The following ARAF variants were observed in gnomAD, a reference collection of about 807,000 sequenced individuals.
ARAF encodes the protein A-Raf proto-oncogene, serine/threonine kinase.
ARAF carries 18 observed loss-of-function variants against 48.0 expected under a neutral mutation model. The observed-to-expected ratio is 0.37, with a 90% CI of 0.26 to 0.56. The LOEUF is 0.56. Among genes scored for constraint, ARAF ranks in the 20% least tolerant of loss-of-function variants. The pLI is 0.77. For synonymous variants in ARAF, 207 were observed against 220.1 expected, an observed-to-expected ratio of 0.94 and a Z score of 0.53; for missense variants, 389 against 543.1, an observed-to-expected ratio of 0.72 and a Z score of 2.82.
At chrX:47,565,659 G>A (rs2854422) in intron 6 of ARAF, 62,180 of 144,421 alleles carry the variant, frequency 0.43, 10,516 homozygotes, top group African/African-American at 0.63. Flanking sequence ...CAATTTTTTT[G>A]TTATTAATTA....
Position 47,565,314 on chromosome X carries a change from G to T in ARAF, c.521G>T (p.Arg174Leu), listed in dbSNP as rs1387037979. Residue 174 changes from arginine (R) to leucine (L), a missense_variant, in exon 6 of 16, where the codon CGC becomes CTC. Physicochemically the swap from Arg to Leu is moderately radical, Grantham distance 102. This residue lies in a region of ARAF where 154 missense variants were observed against 133.6 expected (regional missense o/e 1.15). Transcript: ENST00000377045. ...GSRQHEAPSNRPLNELLTPQG... is the reference protein window; with the variant it reads ...GSRQHEAPSNLPLNELLTPQG... ...AGACAGCATGAGGCTCCCTCGAACC[G>T]CCCCCTGAATGAGTTGCTAACCCCC... 1 of 1,209,652 alleles carries T rather than the reference G, an allele frequency of 8.3e-7. No individual in the cohort carries two copies. The highest frequency in any genetic ancestry group is 1.1e-6 in the Non-Finnish European group (1 of 895,027).
At position 47,571,438 on chromosome X, in the gene ARAF, C is replaced by T; in HGVS notation, c.1802C>T (p.Ala601Val). 8.3e-6 allele frequency: 10 copies of T among 1,206,183 alleles called. No individual in the cohort carries two copies. Among genetic ancestry groups the T allele is most frequent in the African/African-American group, 1.7e-5 (1 of 57,855 alleles). ...ADELPACLLS[A>V]ARLVP ...GAGTTGCCTGCCTGCCTACTCAGCGCAGCCCGCCTTGTGCCTTAGGCCCCG... is the reference window on the plus strand; with the variant it reads ...GAGTTGCCTGCCTGCCTACTCAGCGTAGCCCGCCTTGTGCCTTAGGCCCCG... The change falls in exon 16 of 16, where the codon GCA becomes GTA. Residue 601 changes from alanine to valine, a missense_variant. Physicochemically the swap from Ala to Val is moderately conservative, Grantham distance 64. This residue lies in a region of ARAF where 170 missense variants were observed against 281.4 expected (regional missense o/e 0.60). Coordinates refer to ENST00000377045, the MANE Select transcript of ARAF (RefSeq NM_001654.5).
At chrX:47,571,140 T>C (rs995666696) in intron 15 of ARAF, 128 bp downstream of exon 15, 36 of 976,803 alleles carry the variant, frequency 3.7e-5, no homozygotes, top group Non-Finnish European at 5.0e-5. Context: ...TGTGTGTGTG[T>C]GTTTCACCAT....
intron 12 of ARAF, 167 bp from the exon 13 acceptor site, chrX:47,569,369 TAGC>T (rs2057745794): frequency 2.1e-6 from 1 of 487,128 alleles, no homozygotes; most frequent in African/African-American, 2.4e-5. Context: ...TGGGGGGCAT[TAGC>T]AGGCGTTCCC....
At chrX:47,571,297 C>T in intron 15 of ARAF, 26 bp from the exon 16 acceptor site, 2 of 1,198,101 alleles carry the variant, frequency 1.7e-6, no homozygotes, top group South Asian at 3.7e-5. Flanking sequence ...CTCTGGACAC[C>T]CCTCCTCACC....
At chrX:47,567,464 G>A (rs748627763) in intron 10 of ARAF, 32 bp downstream of exon 10, 1 of 1,170,117 alleles carries the variant, frequency 8.5e-7, no homozygotes, top group Non-Finnish European at 1.1e-6. Flanking sequence ...GATGGGGGTG[G>A]CAGGCCCGGC....
At position 47,567,024 on chromosome X, in the gene ARAF, G is replaced by A. The variant is rs1409736677; in HGVS notation, c.766G>A (p.Gly256Arg). The A allele has an allele frequency of 8.3e-7, 1 of 1,211,682 alleles. No individual in the cohort carries two copies. Residue 256 changes from glycine (G) to arginine (R), a missense_variant, in exon 9 of 16, where the codon GGG becomes AGG. By Grantham distance (125) the Gly-to-Arg change is moderately radical. Transcript: ENST00000377045. ...SRGGSDGTPR[G>R]SPSPASVSSG... ...AGGAGGTAGTGATGGAACCCCCCGG[G>A]GGAGCCCCAGCCCAGCCAGCGTGTC... is the stretch of plus-strand genomic sequence containing the variant.
At chrX:47,565,844 A>G (rs1177296204) in intron 6 of ARAF, 1 of 147,036 alleles carries the variant, frequency 6.8e-6, no homozygotes, top group African/African-American at 3.2e-5. Flanking sequence ...GCTCTAATAT[A>G]TATTTTATGA....
chrX:47,566,515 A>G (rs2057733178), intron 6 of ARAF, 124 bp from the exon 7 acceptor site: 1 of 696,994 alleles, frequency 1.4e-6, no homozygotes, highest in African/African-American at 2.2e-5. Context: ...GCAATGAATA[A>G]TAGTACTGCC....
At position 47,567,053 on chromosome X, in the gene ARAF, G is replaced by A. The variant is rs202121223; in HGVS notation, c.795G>A (p.Ser265=). Residue 265 remains serine (S), a synonymous_variant, in exon 9 of 16, where the codon TCG becomes TCA. Transcript: ENST00000377045. ...GCCCCAGCCCAGCCAGCGTGTCCTCGGGGAGGAAGTCCCCACATTCCAAGT... is the reference window on the plus strand; with the variant it reads ...GCCCCAGCCCAGCCAGCGTGTCCTCAGGGAGGAAGTCCCCACATTCCAAGT... ...RGSPSPASVS[S]GRKSPHSKSP... 2.6e-5 allele frequency: 31 copies of A among 1,210,388 alleles called. No individual in the cohort carries two copies. In the East Asian group the frequency reaches 5.9e-4, roughly 23 times the overall value.
In ARAF at chrX:47,565,133, G is replaced by A. The variant is rs1321474185; in HGVS notation, c.452G>A (p.Arg151His). The A allele has an allele frequency of 1.3e-5, 16 of 1,208,078 alleles. No homozygotes were observed. The highest frequency in any genetic ancestry group is 1.1e-4 in the South Asian group (6 of 56,676). Reference protein sequence around the residue: ...PTVCVDMSTNRQQFYHSVQDL... With the variant: ...PTVCVDMSTNHQQFYHSVQDL... ...GTCTGTGTTGACATGAGTACCAACC[G>A]CCAACAGTGAGCCCAGCCTGGGGTG... Residue 151 changes from arginine (R) to histidine (H), a missense_variant, in exon 5 of 16, where the codon CGC becomes CAC. Physicochemically the swap from Arg to His is conservative, Grantham distance 29. Around this residue, in one of 4 missense-constraint regions of ARAF, gnomAD observed 154 missense variants for 133.6 expected, o/e 1.15. Transcript: ENST00000377045.
At chrX:47,568,920 T>TG (rs775949802) in intron 11 of ARAF, 26 bp downstream of exon 11, 4 of 1,192,077 alleles carry the variant, frequency 3.4e-6, no homozygotes, top group Non-Finnish European at 4.5e-6. Context: ...TGGGGAGGGG[T>TG]GGGGGGAAAG....
At chrX:47,570,132 A>G in intron 14 of ARAF, 108 bp downstream of exon 14, 1 of 964,780 alleles carries the variant, frequency 1.0e-6, no homozygotes, top group Middle Eastern at 2.7e-4. Flanking sequence ...TTCCCCAGAA[A>G]CCTAAAATTT....
At chrX:47,571,283 A>AG in intron 15 of ARAF, 40 bp from the exon 16 acceptor site, 1 of 1,186,074 alleles carries the variant, frequency 8.4e-7, no homozygotes, top group South Asian at 1.9e-5. Flanking sequence ...GGATGCCCAC[A>AG]GGGCTCTGGA....
chrX:47,570,160 C>A, intron 14 of ARAF, 136 bp downstream of exon 14: 1 of 762,418 alleles, frequency 1.3e-6, no homozygotes, highest in Non-Finnish European at 1.8e-6. Context: ...TAAGGACTCC[C>A]AGAATCCCTT....
At chrX:47,565,808 C>G in intron 6 of ARAF, 1 of 143,286 alleles carries the variant, frequency 7.0e-6, no homozygotes, top group Non-Finnish European at 1.2e-5. Context: ...TTATATAAAA[C>G]TATAGCTATA....
chrX:47,565,483 A>AT (rs917345695), intron 6 of ARAF, 133 bp downstream of exon 6: 27 of 1,021,709 alleles, frequency 2.6e-5, no homozygotes, highest in Non-Finnish European at 3.3e-5. Context: ...GAGTAAGGGC[A>AT]TGAAACTGGG....
At position 47,565,351 on chromosome X, in the gene ARAF, G is replaced by C; in HGVS notation, c.557+1G>C. 1 of 1,209,189 alleles carries C rather than the reference G, an allele frequency of 8.3e-7. No individual in the cohort carries two copies. The highest frequency in any genetic ancestry group is 1.1e-6 in the Non-Finnish European group (1 of 893,541). ...AGTTGCTAACCCCCCAGGGTCCCAG[G>C]TAGGGATGCCTTAGCTGAAGAGCTG... On this transcript the variant is annotated splice_donor_variant, in intron 6 of 15. Transcript: ENST00000377045. LOFTEE classifies it high-confidence loss of function.
rs1386443798 is a variant in ARAF, at chrX:47,564,792, T to G, written c.201-5T>G. 6 of 1,193,046 alleles carry G rather than the reference T, an allele frequency of 5.0e-6. No homozygotes were observed. The highest frequency in any genetic ancestry group is 6.8e-6 in the Non-Finnish European group (6 of 884,750). On this transcript the variant is annotated splice_region_variant and splice_polypyrimidine_tract_variant and intron_variant, in intron 3 of 15. Transcript: ENST00000377045. The stretch of plus-strand genomic sequence containing the variant: ...CCCACTCATTCCTTTCCATGCCCCC[T>G]GCAGACGAAAGACGGTCACTGCCTG...
Sources: gnomAD v4.1 joint callset for allele counts on GRCh38, gnomAD v4.1.1 for gene constraint, gnomAD v4.1.1 regional missense constraint, MANE v1.5 for transcripts, NCBI Gene and HGNC (gene_info 2026-07-23, HGNC 2026-07-21) for gene names.